XKR6: variants seen among roughly 807,000 people sequenced by gnomAD.
The protein encoded by XKR6 is XK-related protein 6.
XKR6 carries 22 observed loss-of-function variants against 56.7 expected under a neutral mutation model. That is an observed-to-expected ratio of 0.39 (90% CI 0.28 to 0.55). The LOEUF (loss-of-function observed/expected upper bound fraction) is 0.55, where lower values mean the gene tolerates loss of function less well. Ranked by LOEUF, XKR6 falls within the 20% of genes least tolerant of loss-of-function variation. XKR6 has a pLI of 0.66. For missense variants in XKR6, 852 were observed against 889.0 expected, an observed-to-expected ratio of 0.96 and a Z score of 0.53; for synonymous variants, 524 against 387.8, an observed-to-expected ratio of 1.35 and a Z score of -4.13.
At chr8:11,021,547 C>G (rs1323163384) in intron 1 of XKR6, among the ~76,000 whole-genome samples, 1 of 152,118 alleles carries the variant, frequency 6.6e-6, no homozygotes, top group African/African-American at 2.4e-5. Flanking sequence ...CCTTTTGTCC[C>G]TTTCAAGCAG....
intron 1 of XKR6, chr8:11,195,131 A>T (rs1388854367): frequency 1.4e-6 from 1 of 703,070 alleles, no homozygotes; most frequent in East Asian, 2.7e-5. Context: ...TTCAGATGGG[A>T]GGAGGGAGAA....
intron 1 of XKR6, among the ~76,000 whole-genome samples, chr8:11,091,357 G>A (rs1436298000): frequency 6.6e-6 from 1 of 152,038 alleles, no homozygotes; most frequent in African/African-American, 2.4e-5. Context: ...AGGATCACTT[G>A]AGCCTGGGAG....
At chr8:11,104,312 G>C (rs184615509) in intron 1 of XKR6, among the ~76,000 whole-genome samples, 8 of 150,666 alleles carry the variant, frequency 5.3e-5, no homozygotes, top group Non-Finnish European at 2.9e-5. Context: ...CATTGAGGAA[G>C]AGTATCAACC....
intron 1 of XKR6, among the ~76,000 whole-genome samples, chr8:11,164,818 G>C (rs1410373322): frequency 6.6e-6 from 1 of 152,126 alleles, no homozygotes; most frequent in East Asian, 1.9e-4. Context: ...TCCTAGCCTT[G>C]TATACCTGAG....
intron 1 of XKR6, among the ~76,000 whole-genome samples, chr8:11,003,703 A>G (rs942667616): frequency 1.3e-5 from 2 of 152,246 alleles, no homozygotes; most frequent in Admixed American, 6.5e-5. Context: ...ATTCTGGAGC[A>G]GGTCTTTTGG....
intron 1 of XKR6, among the ~76,000 whole-genome samples, chr8:11,038,692 G>T (rs745605560): frequency 2.0e-5 from 3 of 151,922 alleles, no homozygotes; most frequent in Non-Finnish European, 4.4e-5. Flanking sequence ...TCACCACCAC[G>T]CCTGGCTAAT....
At chr8:11,039,057 C>T (rs555553067) in intron 1 of XKR6, among the ~76,000 whole-genome samples, 117 of 151,342 alleles carry the variant, frequency 7.7e-4, no homozygotes, top group African/African-American at 2.5e-3. Flanking sequence ...CAGAGAGTGG[C>T]GCAGGCCCAG....
At chr8:11,150,628 G>A (rs985187392) in intron 1 of XKR6, among the ~76,000 whole-genome samples, 2 of 152,002 alleles carry the variant, frequency 1.3e-5, no homozygotes, top group African/African-American at 4.8e-5. Flanking sequence ...CAAGGCGGGT[G>A]GATCACCTGA....
At chr8:10,923,058 G>A (rs1800768501) in intron 2 of XKR6, among the ~76,000 whole-genome samples, 1 of 152,248 alleles carries the variant, frequency 6.6e-6, no homozygotes, top group Non-Finnish European at 1.5e-5. Context: ...AAGGGCAGAT[G>A]TTGGCTGGTG....
At chr8:11,166,293 C>T (rs902982048) in intron 1 of XKR6, among the ~76,000 whole-genome samples, 7 of 152,022 alleles carry the variant, frequency 4.6e-5, no homozygotes, top group South Asian at 2.1e-4. Flanking sequence ...TTCAGGATTG[C>T]GTGTTCACAG....
At chr8:10,901,618 G>T (rs753477912) in intron 2 of XKR6, among the ~76,000 whole-genome samples, 1 of 152,148 alleles carries the variant, frequency 6.6e-6, no homozygotes, top group African/African-American at 2.4e-5. Flanking sequence ...AGGTCCTACC[G>T]ACCCATAGTA....
intron 1 of XKR6, among the ~76,000 whole-genome samples, chr8:11,120,077 A>T (rs907324807): frequency 2.6e-5 from 4 of 152,204 alleles, no homozygotes; most frequent in East Asian, 1.9e-4. Flanking sequence ...ACAGCCAATA[A>T]CATACTGAAT....
chr8:10,953,977 A>AGCAT (rs1801803516), intron 1 of XKR6, among the ~76,000 whole-genome samples: 2 of 152,214 alleles, frequency 1.3e-5, no homozygotes, highest in African/African-American at 4.8e-5. Context: ...GCCACAGTGT[A>AGCAT]GCATGCATCA....
intron 1 of XKR6, among the ~76,000 whole-genome samples, chr8:10,944,313 A>G (rs1350388754): frequency 6.6e-6 from 1 of 152,212 alleles, no homozygotes; most frequent in African/African-American, 2.4e-5. Flanking sequence ...TGAACACAAG[A>G]AAGAACTTAG....
chr8:11,075,972 G>A (rs1264961697), intron 1 of XKR6, among the ~76,000 whole-genome samples: 2 of 152,208 alleles, frequency 1.3e-5, no homozygotes, highest in Admixed American at 1.3e-4. Context: ...AGCAGCCCCA[G>A]CGTCACTTGA....
intron 1 of XKR6, among the ~76,000 whole-genome samples, chr8:11,093,614 T>G (rs1798157953): frequency 6.6e-6 from 1 of 151,950 alleles, no homozygotes; most frequent in South Asian, 2.1e-4. Flanking sequence ...GCCTTCAAAT[T>G]TAGTTTAAGT....
chr8:11,036,937 C>T (rs147124163), intron 1 of XKR6, among the ~76,000 whole-genome samples: 109 of 152,298 alleles, frequency 7.2e-4, no homozygotes, highest in African/African-American at 2.5e-3. Flanking sequence ...ACCGCTCTGG[C>T]GAGCTCTCTC....
At chr8:11,060,131 T>C (rs1799792894) in intron 1 of XKR6, among the ~76,000 whole-genome samples, 1 of 152,062 alleles carries the variant, frequency 6.6e-6, no homozygotes, top group Non-Finnish European at 1.5e-5. Context: ...AAGCTCAGGG[T>C]TGGATCAGAG....
chr8:10,971,693 A>G lies in XKR6; in HGVS notation c.765-46863T>C, dbSNP rs116651321. ...TTGTACCATTTTCTCAGGACCATGG[A>G]AATATCCCCTCTTGCCAATGGGGAC... On this transcript the variant is annotated intron_variant, in intron 1 of 2. Coordinates refer to ENST00000416569, the MANE Select transcript of XKR6 (RefSeq NM_173683.4). 7.1e-3 allele frequency among the ~76,000 whole-genome samples: 1,087 copies of G among 152,218 alleles called. 11 individuals carry two copies. Among genetic ancestry groups the G allele is most frequent in the Middle Eastern group, 0.024 (7 of 294 alleles).
Sources: allele counts gnomAD v4.1 joint callset (sites outside exome capture counted in the v4.1 genomes callset), GRCh38; gene constraint gnomAD v4.1.1; transcripts MANE v1.5; gene names NCBI Gene and HGNC (gene_info 2026-07-23, HGNC 2026-07-21).